Variants in CSMD1 observed in about 807,000 individuals in gnomAD.
The protein encoded by CSMD1 is CUB and Sushi multiple domains 1, also known as CUB and sushi domain-containing protein 1.
A neutral mutation model predicts 417.5 loss-of-function variants in CSMD1; 213 were observed. The observed-to-expected ratio is 0.51, with a 90% confidence interval of 0.46 to 0.57. The LOEUF is 0.57. Among genes scored for constraint, CSMD1 ranks in the 20% least tolerant of loss-of-function variants. The pLI, the probability that CSMD1 is intolerant of heterozygous loss-of-function variation, is 0.00. For synonymous variants in CSMD1, 2,862 were observed against 1,736.8 expected, an observed-to-expected ratio of 1.65 and a Z score of -16.11; for missense variants, 6,923 against 4,529.7, an observed-to-expected ratio of 1.53 and a Z score of -15.17.
chr8:4,602,278 G>C lies in CSMD1; in HGVS notation c.302+35064C>G, dbSNP rs148420458. Among the ~76,000 whole-genome samples, 881 of 152,236 alleles carry C rather than the reference G, an allele frequency of 5.8e-3. 13 individuals carry two copies. The highest frequency in any genetic ancestry group is 0.02 in the African/African-American group (848 of 41,542). ...AGAGAAAATCTCTTACTAAAAAAGA[G>C]GAAGAAAGGGGCCCTGCACAAATAA... On this transcript the variant is annotated intron_variant, in intron 2 of 69. Transcript: ENST00000635120.
Position 4,358,667 on chromosome 8 carries a change from T to C in CSMD1, c.415+61286A>G, listed in dbSNP as rs368204560. Among the ~76,000 whole-genome samples, 24 of 152,324 alleles carry C rather than the reference T, an allele frequency of 1.6e-4. No individual in the cohort carries two copies. The East Asian group carries it at 2.9e-3, about 18-fold the overall frequency. The stretch of plus-strand genomic sequence containing the variant: ...TGAATTCCTTTTAGTGCTAACTTGG[T>C]ATTTTGCATACTTTTTCTAAGAGTA... On this transcript the variant is annotated intron_variant, in intron 3 of 69. Transcript: ENST00000635120.
At chr8:4,484,247 A>G (rs952148490) in intron 2 of CSMD1, among the ~76,000 whole-genome samples, 6 of 151,270 alleles carry the variant, frequency 4.0e-5, no homozygotes, top group Non-Finnish European at 7.4e-5. Flanking sequence ...CAAAAATTCT[A>G]TGGAAGGATT....
chr8:3,118,329 C>A, intron 42 of CSMD1, 70 bp downstream of exon 42: 1 of 1,073,034 alleles, frequency 9.3e-7, no homozygotes, highest in Non-Finnish European at 1.4e-6. Flanking sequence ...TGGATATGTT[C>A]ATTTAATATT....
chr8:2,962,986 T>G (rs1450670604), intron 60 of CSMD1, among the ~76,000 whole-genome samples: 1 of 152,150 alleles, frequency 6.6e-6, no homozygotes. Context: ...AGATTGAGGC[T>G]GCAGGGAGCT....
intron 1 of CSMD1, among the ~76,000 whole-genome samples, chr8:4,970,448 A>C (rs868317609): frequency 6.6e-6 from 1 of 152,168 alleles, no homozygotes; most frequent in Non-Finnish European, 1.5e-5. Context: ...TGTTTATGTG[A>C]CCAAAATGAC....
intron 6 of CSMD1, among the ~76,000 whole-genome samples, chr8:3,744,705 TCTGGG>T (rs1368687762): frequency 6.6e-6 from 1 of 152,186 alleles, no homozygotes; most frequent in Non-Finnish European, 1.5e-5. Flanking sequence ...TGAAACGTTG[TCTGGG>T]CTATGAAATG....
intron 3 of CSMD1, among the ~76,000 whole-genome samples, chr8:4,280,279 T>C (rs910742853): frequency 6.6e-6 from 1 of 152,196 alleles, no homozygotes; most frequent in African/African-American, 2.4e-5. Context: ...TATTAGCACG[T>C]TTTTATAATG....
intron 2 of CSMD1, among the ~76,000 whole-genome samples, chr8:4,617,684 C>T (rs1427486473): frequency 6.6e-6 from 1 of 152,128 alleles, no homozygotes; most frequent in Non-Finnish European, 1.5e-5. Context: ...CAGATCAAAG[C>T]CCTCAGTGAA....
intron 1 of CSMD1, among the ~76,000 whole-genome samples, chr8:4,737,667 T>G (rs190454023): frequency 6.6e-6 from 1 of 152,166 alleles, no homozygotes; most frequent in African/African-American, 2.4e-5. Context: ...AAGAGACAGG[T>G]TGGATGAATG....
intron 3 of CSMD1, among the ~76,000 whole-genome samples, chr8:4,390,240 T>C (rs969354031): frequency 6.6e-6 from 1 of 152,106 alleles, no homozygotes; most frequent in Non-Finnish European, 1.5e-5. Flanking sequence ...TGCCTTCTTC[T>C]TGGGGAAAAA....
intron 5 of CSMD1, among the ~76,000 whole-genome samples, chr8:3,939,804 G>C (rs1440288616): frequency 2.0e-5 from 3 of 152,124 alleles, no homozygotes; most frequent in African/African-American, 7.2e-5. Flanking sequence ...ACTTGTGAGA[G>C]CTAAGTTATG....
chr8:4,942,012 A>T (rs572642207), intron 1 of CSMD1, among the ~76,000 whole-genome samples: 1 of 152,206 alleles, frequency 6.6e-6, no homozygotes, highest in East Asian at 1.9e-4. Context: ...AAATCATTAC[A>T]GTCTTCAAAA....
intron 5 of CSMD1, among the ~76,000 whole-genome samples, chr8:3,778,129 C>T (rs1003113167): frequency 6.6e-5 from 10 of 152,210 alleles, no homozygotes; most frequent in Admixed American, 3.3e-4. Flanking sequence ...CTTTGAGACT[C>T]AGTTTGGAGT....
chr8:4,964,287 G>GC (rs1004415974), intron 1 of CSMD1, among the ~76,000 whole-genome samples: 213 of 151,646 alleles, frequency 1.4e-3, no homozygotes, highest in Admixed American at 2.6e-3. Context: ...GCAAAGGGGG[G>GC]CAAATTGCTT....
chr8:3,418,769 G>C (rs34702513), intron 12 of CSMD1, among the ~76,000 whole-genome samples: 2,854 of 152,240 alleles, frequency 0.019, 55 homozygotes, highest in East Asian at 0.096. Flanking sequence ...ACACGGGATT[G>C]CACAAACTAA....
chr8:3,007,140 A>T (rs1380544246), intron 52 of CSMD1, among the ~76,000 whole-genome samples: 1 of 149,796 alleles, frequency 6.7e-6, no homozygotes, highest in Non-Finnish European at 1.5e-5. Context: ...TCTCAAAAGA[A>T]GACATTTATG....
At chr8:4,858,667 T>C (rs938558415) in intron 1 of CSMD1, among the ~76,000 whole-genome samples, 35 of 151,534 alleles carry the variant, frequency 2.3e-4, no homozygotes, top group Non-Finnish European at 4.6e-4. Flanking sequence ...CATTCACAAT[T>C]GCTTCAAAGA....
intron 10 of CSMD1, among the ~76,000 whole-genome samples, chr8:3,496,259 T>C (rs1213066281): frequency 6.6e-6 from 1 of 152,200 alleles, no homozygotes; most frequent in Non-Finnish European, 1.5e-5. Context: ...CCAGTCTCTT[T>C]GCCAAAATCC....
chr8:3,605,590 T>C (rs1801573298), intron 8 of CSMD1, among the ~76,000 whole-genome samples: 2 of 152,354 alleles, frequency 1.3e-5, no homozygotes, highest in Admixed American at 6.5e-5. Context: ...TTTTTTTCCT[T>C]AATGTACTTC....
Sources: allele counts gnomAD v4.1 joint callset (sites outside exome capture counted in the v4.1 genomes callset), GRCh38; gene constraint gnomAD v4.1.1; transcripts MANE v1.5; gene names NCBI Gene and HGNC (gene_info 2026-07-23, HGNC 2026-07-21).